Variants in DSCAM observed in about 807,000 individuals in gnomAD.
DSCAM encodes the protein DS cell adhesion molecule, also known as cell adhesion molecule DSCAM.
Under a neutral mutation model 217.7 loss-of-function variants are expected in DSCAM, and 47 were observed. That is an observed-to-expected ratio of 0.22 (90% CI 0.17 to 0.28). The LOEUF (loss-of-function observed/expected upper bound fraction) is 0.28, where lower values mean the gene tolerates loss of function less well. Ranked by LOEUF, DSCAM falls within the 10% of genes least tolerant of loss-of-function variation. DSCAM has a pLI of 1.00. For synonymous variants in DSCAM, 1,056 were observed against 1,015.3 expected, an observed-to-expected ratio of 1.04 and a Z score of -0.76; for missense variants, 2,080 against 2,618.3, an observed-to-expected ratio of 0.79 and a Z score of 4.49.
chr21:40,421,360 C>T (rs1048730039), intron 3 of DSCAM, among the ~76,000 whole-genome samples: 5 of 152,188 alleles, frequency 3.3e-5, no homozygotes, highest in Admixed American at 3.3e-4. Flanking sequence ...GAAGCCTGAC[C>T]TTCGGTAAGC....
Position 40,155,451 on chromosome 21 carries a change from T to C in DSCAM, c.3019-10720A>G, listed in dbSNP as rs2090466114. ...CACGCCTGGAGGGCCCAACCCAGAG[T>C]AGCCCCTCTGCAGGTAATGGAGGCC... is the stretch of plus-strand genomic sequence containing the variant. On this transcript the variant is annotated intron_variant, in intron 16 of 32. Coordinates refer to ENST00000400454, the MANE Select transcript of DSCAM (RefSeq NM_001389.5). Among the ~76,000 whole-genome samples the C allele has an allele frequency of 2.0e-5, 3 of 151,800 alleles. No individual in the cohort carries two copies. The South Asian group carries it at 6.2e-4, about 32-fold the overall frequency.
At chr21:40,361,128 T>C (rs1463904863) in intron 4 of DSCAM, among the ~76,000 whole-genome samples, 1 of 147,882 alleles carries the variant, frequency 6.8e-6, no homozygotes, top group Non-Finnish European at 1.5e-5. Context: ...TCTTCAAACT[T>C]TTATATATAT....
intron 28 of DSCAM, among the ~76,000 whole-genome samples, chr21:40,058,581 CACA>C: frequency 6.6e-6 from 1 of 152,264 alleles, no homozygotes; most frequent in Non-Finnish European, 1.5e-5. Flanking sequence ...ATTTTGAGGG[CACA>C]ACGTGAGCTG....
intron 1 of DSCAM, among the ~76,000 whole-genome samples, chr21:40,752,424 T>G (rs1474644951): frequency 6.6e-6 from 1 of 152,210 alleles, no homozygotes; most frequent in Non-Finnish European, 1.5e-5. Context: ...TTTAATGCTT[T>G]TCCTTGGGAA....
rs372676786 is a variant in DSCAM, at chr21:40,169,203, T to C, written c.2948-1915A>G. On this transcript the variant is annotated intron_variant, in intron 15 of 32. Coordinates refer to ENST00000400454, the MANE Select transcript of DSCAM (RefSeq NM_001389.5). ...AGCGACGGGAGGCCTTAGGTAGGCTTACTGGTTGAGGGAAGCCAGGTGAGG... is the reference window on the plus strand; with the variant it reads ...AGCGACGGGAGGCCTTAGGTAGGCTCACTGGTTGAGGGAAGCCAGGTGAGG... Among the ~76,000 whole-genome samples, 28 of 152,230 alleles carry C rather than the reference T, an allele frequency of 1.8e-4. No homozygotes were observed. In the South Asian group the frequency reaches 5.8e-3, roughly 32 times the overall value.
chr21:40,176,129 C>T (rs1404595603), intron 15 of DSCAM, among the ~76,000 whole-genome samples: 1 of 152,002 alleles, frequency 6.6e-6, no homozygotes, highest in South Asian at 2.1e-4. Context: ...TGGAAAAAGG[C>T]ATTGCACCAG....
At chr21:40,049,585 G>A (rs1568912805) in intron 30 of DSCAM, among the ~76,000 whole-genome samples, 1 of 152,188 alleles carries the variant, frequency 6.6e-6, no homozygotes, top group African/African-American at 2.4e-5. Flanking sequence ...TGAAATGAAT[G>A]TCTTTTTGCA....
At chr21:40,628,656 G>A (rs1031501910) in intron 3 of DSCAM, among the ~76,000 whole-genome samples, 3 of 152,122 alleles carry the variant, frequency 2.0e-5, no homozygotes, top group African/African-American at 7.2e-5. Context: ...GTTAATAGAT[G>A]AAAAACATTT....
chr21:40,106,390 T>C (rs770589672), intron 20 of DSCAM, among the ~76,000 whole-genome samples: 4 of 152,190 alleles, frequency 2.6e-5, no homozygotes, highest in Non-Finnish European at 5.9e-5. Flanking sequence ...TTTGTTGAGA[T>C]TTCTGCATTG....
At chr21:40,668,788 T>TTTCC (rs1337166734) in intron 3 of DSCAM, among the ~76,000 whole-genome samples, 8 of 152,110 alleles carry the variant, frequency 5.3e-5, no homozygotes, top group African/African-American at 1.7e-4. Context: ...GTGTAACAGC[T>TTTCC]TTCCTGGAAG....
At chr21:40,519,759 T>A (rs2076343526) in intron 3 of DSCAM, among the ~76,000 whole-genome samples, 1 of 152,174 alleles carries the variant, frequency 6.6e-6, no homozygotes, top group Non-Finnish European at 1.5e-5. Context: ...TCCAGCCTCT[T>A]GCTTTGCCCT....
At position 40,187,010 on chromosome 21, in the gene DSCAM, G is replaced by A. The variant is rs57202091; in HGVS notation, c.2779+121C>T. Reference sequence around the variant, plus strand: ...GCTTCCAGCAAGGAGACTGGGGGAAGTGGTGCCCTCTGAGCTCCTGTGAGC... The same window carrying A: ...GCTTCCAGCAAGGAGACTGGGGGAAATGGTGCCCTCTGAGCTCCTGTGAGC... On this transcript the variant is annotated intron_variant, in intron 14 of 32. Coordinates refer to ENST00000400454, the MANE Select transcript of DSCAM (RefSeq NM_001389.5). The A allele has an allele frequency of 0.018, 22,233 of 1,236,454 alleles. 1,975 individuals carry two copies. In the African/African-American group the frequency reaches 0.24, roughly 13 times the overall value. 76.6% of individuals were successfully genotyped at this position (1,236,454 alleles called of 1,614,324 possible). A position where few individuals can be genotyped will look rare whatever the true frequency, so the allele number is the denominator to read the frequency against.
intron 11 of DSCAM, among the ~76,000 whole-genome samples, chr21:40,219,351 G>A (rs917236825): frequency 2.0e-5 from 3 of 152,054 alleles, no homozygotes; most frequent in African/African-American, 7.2e-5. Context: ...GTCAAATCCT[G>A]CTTTTTAAAA....
chr21:40,071,879 C>G (rs918252167), intron 27 of DSCAM, among the ~76,000 whole-genome samples: 2 of 152,242 alleles, frequency 1.3e-5, no homozygotes, highest in Non-Finnish European at 2.9e-5. Context: ...AATTTCCCTC[C>G]ATGAGTGAGT....
In DSCAM at chr21:40,393,093, C is replaced by T. The variant is rs908973096; in HGVS notation, c.509-23848G>A. Among the ~76,000 whole-genome samples, 54 of 152,228 alleles carry T rather than the reference C, an allele frequency of 3.5e-4. 1 individual carries two copies. Among genetic ancestry groups the T allele is most frequent in the Middle Eastern group, 3.4e-3 (1 of 294 alleles). ...AAAGGCTGGTTCCCTAATATCGGCT[C>T]CAAATTGAGACCACAAAGTCTTCTT... On this transcript the variant is annotated intron_variant, in intron 3 of 32. Transcript: ENST00000400454.
intron 3 of DSCAM, among the ~76,000 whole-genome samples, chr21:40,632,736 T>C (rs1432814627): frequency 1.3e-5 from 2 of 152,188 alleles, no homozygotes; most frequent in African/African-American, 2.4e-5. Flanking sequence ...CCACGTTGAT[T>C]GACAAGCACC....
intron 11 of DSCAM, among the ~76,000 whole-genome samples, chr21:40,244,446 G>A (rs1321064756): frequency 1.4e-5 from 2 of 141,896 alleles, no homozygotes; most frequent in East Asian, 2.1e-4. Flanking sequence ...ATGAGACTCC[G>A]TCTCCGGAAA....
chr21:40,294,044 T>C (rs1051760065), intron 10 of DSCAM, among the ~76,000 whole-genome samples: 1 of 152,206 alleles, frequency 6.6e-6, no homozygotes, highest in African/African-American at 2.4e-5. Flanking sequence ...TTGAGTGATG[T>C]TATTGGGGGG....
intron 11 of DSCAM, among the ~76,000 whole-genome samples, chr21:40,222,569 G>A (rs551360427): frequency 1.3e-3 from 199 of 152,256 alleles, no homozygotes; most frequent in African/African-American, 4.5e-3. Flanking sequence ...ATGCTTCAAC[G>A]AACATAACAC....
Sources: gnomAD v4.1 joint callset for allele counts (sites outside exome capture counted in the v4.1 genomes callset) on GRCh38, gnomAD v4.1.1 for gene constraint, MANE v1.5 for transcripts, NCBI Gene and HGNC (gene_info 2026-07-23, HGNC 2026-07-21) for gene names.